PDE10A: variants seen among roughly 807,000 people sequenced by gnomAD.
PDE10A encodes the protein cAMP and cAMP-inhibited cGMP 3',5'-cyclic phosphodiesterase 10A.
In PDE10A, 39 loss-of-function variants were observed where a neutral mutation model predicts 97.7. The ratio of observed to expected loss-of-function variants is 0.40; its 90% CI spans 0.31 to 0.52. PDE10A has a LOEUF of 0.52. Ranked by LOEUF, PDE10A falls within the 20% of genes least tolerant of loss-of-function variation. The pLI is 0.56. For missense variants in PDE10A, 731 were observed against 1,047.8 expected, an observed-to-expected ratio of 0.70 and a Z score of 4.17; for synonymous variants, 371 against 376.8, an observed-to-expected ratio of 0.98 and a Z score of 0.18.
chr6:165,571,110 A>C (rs1785029161), intron 1 of PDE10A, among the ~76,000 whole-genome samples: 1 of 152,244 alleles, frequency 6.6e-6, no homozygotes, highest in Admixed American at 6.5e-5. Context: ...TAAAACCATT[A>C]TCTTACTGAA....
intron 1 of PDE10A, among the ~76,000 whole-genome samples, chr6:165,867,369 A>G (rs1162266461): frequency 6.6e-6 from 1 of 152,042 alleles, no homozygotes; most frequent in African/African-American, 2.4e-5. Flanking sequence ...TTGCAGGAGT[A>G]GCAAAACTTC....
At chr6:165,633,663 G>A (rs1788736877) in intron 1 of PDE10A, among the ~76,000 whole-genome samples, 1 of 151,988 alleles carries the variant, frequency 6.6e-6, no homozygotes, top group African/African-American at 2.4e-5. Flanking sequence ...GTCTCACTCA[G>A]GTCACCCAGG....
At chr6:165,723,122 G>A (rs1010839260) in intron 1 of PDE10A, among the ~76,000 whole-genome samples, 1 of 152,034 alleles carries the variant, frequency 6.6e-6, no homozygotes, top group Admixed American at 6.6e-5. Flanking sequence ...CAATCTAGTT[G>A]TGGCCTGAGA....
intron 1 of PDE10A, among the ~76,000 whole-genome samples, chr6:165,874,632 T>A (rs1381824387): frequency 2.0e-5 from 3 of 152,238 alleles, no homozygotes; most frequent in Admixed American, 1.3e-4. Context: ...CAGTATGTGT[T>A]TTCTATGTCC....
intron 1 of PDE10A, among the ~76,000 whole-genome samples, chr6:165,969,729 A>T (rs1385696727): frequency 6.6e-6 from 1 of 152,204 alleles, no homozygotes; most frequent in African/African-American, 2.4e-5. Context: ...ACATTGAAAG[A>T]CACAGAAGCC....
chr6:165,451,693 G>A (rs1320826963), intron 3 of PDE10A, among the ~76,000 whole-genome samples: 2 of 152,154 alleles, frequency 1.3e-5, no homozygotes, highest in African/African-American at 4.8e-5. Flanking sequence ...GAATGAACAA[G>A]TAAGTAACCA....
At chr6:165,704,086 C>T (rs1003524578) in intron 1 of PDE10A, among the ~76,000 whole-genome samples, 25 of 152,202 alleles carry the variant, frequency 1.6e-4, no homozygotes, top group Admixed American at 1.6e-3. Flanking sequence ...GTGCCACGTA[C>T]AACAGTATGT....
Position 165,671,935 on chromosome 6 carries a change from T to G in PDE10A, c.-614-128367A>C, listed in dbSNP as rs1790658280. Reference sequence around the variant, plus strand: ...ATTTTATAGCGAAGTTATTAATATATGCCATGAAACTCTATCCCATCTGTT... The same window carrying G: ...ATTTTATAGCGAAGTTATTAATATAGGCCATGAAACTCTATCCCATCTGTT... On this transcript the variant is annotated intron_variant, in intron 1 of 19. Transcript: ENST00000366882. This position sits in a 1 kb window ranked among gnomAD's most constrained non-coding sequence, Gnocchi z 4.6. Among the ~76,000 whole-genome samples the G allele has an allele frequency of 6.6e-6, 1 of 152,242 alleles. No homozygotes were observed. The highest frequency in any genetic ancestry group is 1.5e-5 in the Non-Finnish European group (1 of 68,038).
exon 1 of PDE10A, chr6:165,987,626 G>C (rs765366088): frequency 4.7e-6 from 2 of 423,460 alleles, no homozygotes; most frequent in South Asian, 3.4e-5. Flanking sequence ...AAAAAAAAAG[G>C]CAAGGCGCCG....
intron 2 of PDE10A, among the ~76,000 whole-genome samples, chr6:165,494,452 A>G: frequency 7.7e-6 from 1 of 129,084 alleles, no homozygotes; most frequent in African/African-American, 3.5e-5. Flanking sequence ...GATAAAGAAA[A>G]TGTGGGGGGG....
At position 165,639,064 on chromosome 6, in the gene PDE10A, CAGAG is replaced by C. The variant is rs376022884; in HGVS notation, c.865+22879_865+22882del. 1.5e-3 allele frequency among the ~76,000 whole-genome samples: 218 copies of C among 147,006 alleles called. 1 individual carries two copies. Among genetic ancestry groups the C allele is most frequent in the African/African-American group, 5.2e-3 (207 of 40,194 alleles). The stretch of plus-strand genomic sequence containing the variant: ...GGAAGGAGGGAGGGAGGGAGGGAGA[CAGAG>C]AGAGAGAGAGAGGAAGGCAGGAAGG... On this transcript the variant is annotated intron_variant, in intron 1 of 21. Transcript: ENST00000539869.
chr6:165,778,053 C>T (rs554624917), intron 1 of PDE10A, among the ~76,000 whole-genome samples: 1 of 151,934 alleles, frequency 6.6e-6, no homozygotes, highest in Non-Finnish European at 1.5e-5. Flanking sequence ...ATTTTTGCTA[C>T]ATGTTTATTT....
rs143337032 is a variant in PDE10A at position 165,588,584 on chromosome 6, A to G, written c.866-45016T>C. On this transcript the variant is annotated intron_variant, in intron 1 of 21. Coordinates refer to ENST00000539869, the MANE Select transcript of PDE10A (RefSeq NM_001385079.1). The stretch of plus-strand genomic sequence containing the variant: ...GGGATTACAGTGAGCCACCACTCCC[A>G]GCCTAAAGTTAGCTTTATGATTTTA... Among the ~76,000 whole-genome samples the G allele has an allele frequency of 5.0e-3, 763 of 152,252 alleles. 3 individuals are homozygous for G. Among genetic ancestry groups the G allele is most frequent in the African/African-American group, 8.9e-3 (368 of 41,562 alleles).
chr6:165,764,746 G>C (rs1372724970), intron 1 of PDE10A, among the ~76,000 whole-genome samples: 1 of 152,176 alleles, frequency 6.6e-6, no homozygotes, highest in Non-Finnish European at 1.5e-5. Context: ...AGGCACTGTG[G>C]ACCCAAAGAG....
At chr6:165,773,158 T>C (rs1396571055) in intron 1 of PDE10A, 1 of 152,220 alleles carries the variant, frequency 6.6e-6, no homozygotes, top group Non-Finnish European at 1.5e-5. Flanking sequence ...TCTGGTCGCT[T>C]CCAACTTTGG....
In PDE10A at chr6:165,487,984, T is replaced by C. The variant is rs186555741; in HGVS notation, c.995-5641A>G. Among the ~76,000 whole-genome samples the C allele has an allele frequency of 3.0e-5, 4 of 131,658 alleles. No homozygotes were observed. The East Asian group carries it at 8.7e-4, about 29-fold the overall frequency. 86.4% of individuals were successfully genotyped at this position (131,658 alleles called of 152,430 possible). ...AGAGGAACATGGAAAAGAAGAAAAT[T>C]GCCAGGAATACCAAATTTTGAGGCA... is the stretch of plus-strand genomic sequence containing the variant. On this transcript the variant is annotated intron_variant, in intron 2 of 21. Coordinates refer to ENST00000539869, the MANE Select transcript of PDE10A (RefSeq NM_001385079.1).
chr6:165,456,540 A>G (rs1172904958), intron 3 of PDE10A, among the ~76,000 whole-genome samples: 1 of 152,238 alleles, frequency 6.6e-6, no homozygotes, highest in Non-Finnish European at 1.5e-5. Context: ...TCTTTTGGAC[A>G]GGAAATGGGT....
chr6:165,885,522 G>C (rs1249708576), intron 1 of PDE10A, among the ~76,000 whole-genome samples: 1 of 152,220 alleles, frequency 6.6e-6, no homozygotes, highest in African/African-American at 2.4e-5. Context: ...AGACACGGAG[G>C]CAAACCATAT....
chr6:165,532,317 C>T (rs142039047), intron 2 of PDE10A, among the ~76,000 whole-genome samples: 2 of 151,368 alleles, frequency 1.3e-5, no homozygotes, highest in African/African-American at 4.9e-5. Context: ...TTATCTATTG[C>T]TAGATAAGCG....
Sources: gnomAD v4.1 joint callset for allele counts (sites outside exome capture counted in the v4.1 genomes callset) on GRCh38, gnomAD v4.1.1 for gene constraint, Gnocchi (gnomAD v3.1) non-coding constraint, MANE v1.5 for transcripts, NCBI Gene and HGNC (gene_info 2026-07-23, HGNC 2026-07-21) for gene names.